Variants in KALRN observed in about 807,000 individuals in gnomAD.
The protein encoded by KALRN is kalirin RhoGEF kinase, also known as kalirin.
In KALRN, 70 loss-of-function variants were observed where a neutral mutation model predicts 353.7. The ratio of observed to expected loss-of-function variants is 0.20; its 90% confidence interval spans 0.16 to 0.24. The LOEUF (loss-of-function observed/expected upper bound fraction) is 0.24. KALRN is among the 10% of genes least tolerant of loss of function. KALRN has a pLI of 1.00. For synonymous variants in KALRN, 1,391 were observed against 1,434.8 expected (o/e 0.97, Z 0.69); for missense variants, 2,791 against 3,756.7 (o/e 0.74, Z 6.72).
intron 33 of KALRN, among the ~76,000 whole-genome samples, chr3:124,503,247 G>A (rs568060931): frequency 1.3e-5 from 2 of 152,260 alleles, no homozygotes; most frequent in South Asian, 2.1e-4. Context: ...CCAGGGCCTG[G>A]AGTAGATATA....
At chr3:124,663,390 G>A (rs1348914868) in intron 45 of KALRN, among the ~76,000 whole-genome samples, 1 of 152,194 alleles carries the variant, frequency 6.6e-6, no homozygotes, top group Admixed American at 6.5e-5. Flanking sequence ...TAGGGGCTAG[G>A]ACTTCAACAT....
At chr3:124,228,168 G>A in intron 2 of KALRN, 104 bp downstream of exon 2, 6 of 943,328 alleles carry the variant, frequency 6.4e-6, no homozygotes, top group Non-Finnish European at 1.0e-5. Flanking sequence ...AGTAGGGGTG[G>A]GGAAGTTATG....
At position 124,563,045 on chromosome 3, in the gene KALRN, C is replaced by T. The variant is rs868216680; in HGVS notation, c.5138C>T (p.Ser1713Phe). Residue 1713 changes from serine to phenylalanine, a missense_variant, in exon 34 of 60, where the codon TCC becomes TTC. Physicochemically the swap from Ser to Phe is radical, Grantham distance 155. Transcript: ENST00000682506. Reference protein sequence around the residue: ...VPSSALCISHSRSSVEMDCFF... With the variant: ...VPSSALCISHFRSSVEMDCFF... ...AGCAGCGCCCTGTGCATCTCACACT[C>T]CCGAAGCAGCGTGGAGATGGACTGC... 6.6e-6 allele frequency: 9 copies of T among 1,367,848 alleles called. No individual in the cohort carries two copies. The highest frequency in any genetic ancestry group is 7.8e-6 in the Non-Finnish European group (8 of 1,022,010). 84.7% of individuals were successfully genotyped at this position (1,367,848 alleles called of 1,614,324 possible). A position where few individuals can be genotyped will look rare whatever the true frequency, so the allele number is the denominator to read the frequency against.
At chr3:124,524,795 T>C (rs1236105579) in intron 33 of KALRN, among the ~76,000 whole-genome samples, 2 of 152,228 alleles carry the variant, frequency 1.3e-5, no homozygotes, top group African/African-American at 4.8e-5. Context: ...TAAATATATT[T>C]CAAACTTATA....
chr3:124,678,490 T>G (rs2087451865), intron 50 of KALRN, 177 bp downstream of exon 50: 4 of 594,628 alleles, frequency 6.7e-6, no homozygotes, highest in Non-Finnish European at 1.1e-5. Flanking sequence ...TATCTTTTAT[T>G]TCTCCTGGCA....
intron 34 of KALRN, among the ~76,000 whole-genome samples, chr3:124,628,522 T>G (rs938221791): frequency 2.1e-4 from 21 of 102,136 alleles, no homozygotes; most frequent in African/African-American, 6.4e-4. Context: ...TTCCCTTCCT[T>G]TCCTTCCTTC....
At chr3:124,400,939 A>G (rs907568817) in intron 13 of KALRN, among the ~76,000 whole-genome samples, 2 of 152,144 alleles carry the variant, frequency 1.3e-5, no homozygotes, top group Non-Finnish European at 2.9e-5. Flanking sequence ...ATTAAGTTTT[A>G]TTTGAAAAGA....
At chr3:124,252,773 G>A (rs778976788) in intron 3 of KALRN, among the ~76,000 whole-genome samples, 1 of 152,192 alleles carries the variant, frequency 6.6e-6, no homozygotes, top group African/African-American at 2.4e-5. Context: ...GACAGCTGGT[G>A]GAGAACAGTC....
At chr3:124,037,330 A>G (rs2039518300) in intron 1 of KALRN, among the ~76,000 whole-genome samples, 1 of 152,202 alleles carries the variant, frequency 6.6e-6, no homozygotes. Flanking sequence ...GTGGTCCTTG[A>G]AGGATGAATG....
At chr3:124,061,724 ACAGT>A (rs1165412982) in intron 1 of KALRN, among the ~76,000 whole-genome samples, 2 of 152,196 alleles carry the variant, frequency 1.3e-5, no homozygotes, top group Non-Finnish European at 2.9e-5. Context: ...TGTTACAGTA[ACAGT>A]CAGGAGCTGA....
rs2080543809 is a variant in KALRN at position 124,629,799 on chromosome 3, TCTC to T, written c.5183-2620_5183-2618del. ...TGCTTAATCTTGCTTTTTCATTTTT[TCTC>T]TCTCTCTCTCTGTCTCTCTCTCTCT... On this transcript the variant is annotated intron_variant, in intron 34 of 59. Coordinates refer to ENST00000682506, the MANE Select transcript of KALRN (RefSeq NM_001388419.1). Among the ~76,000 whole-genome samples the T allele has an allele frequency of 1.1e-4, 8 of 75,682 alleles. No homozygotes were observed. The South Asian group carries it at 2.7e-3, about 26-fold the overall frequency. The allele number at this position is 75,682 out of a possible 152,430, so 49.7% of individuals were successfully genotyped here. A position where few individuals can be genotyped will look rare whatever the true frequency, so the allele number is the denominator to read the frequency against.
chr3:124,388,409 T>A (rs2088778628), intron 11 of KALRN, among the ~76,000 whole-genome samples: 1 of 152,114 alleles, frequency 6.6e-6, no homozygotes, highest in Non-Finnish European at 1.5e-5. Flanking sequence ...TGTATATACC[T>A]CACACTGAGC....
intron 1 of KALRN, among the ~76,000 whole-genome samples, chr3:124,080,309 A>G (rs1285353987): frequency 1.3e-5 from 2 of 152,216 alleles, no homozygotes; most frequent in East Asian, 3.8e-4. Flanking sequence ...GCTTAATGAC[A>G]CAAGTTTAAC....
intron 14 of KALRN, among the ~76,000 whole-genome samples, chr3:124,418,245 A>G (rs1389883641): frequency 2.0e-5 from 3 of 152,124 alleles, no homozygotes; most frequent in Non-Finnish European, 4.4e-5. Context: ...ACCTTGATGT[A>G]GAACAATGGT....
At chr3:124,243,243 GGGC>G (rs1288186076) in intron 3 of KALRN, among the ~76,000 whole-genome samples, 15 of 152,288 alleles carry the variant, frequency 9.8e-5, no homozygotes, top group Admixed American at 3.9e-4. Context: ...CAGGTCTGTG[GGGC>G]CTGCACAGTC....
chr3:124,576,291 C>T (rs1191110620), intron 34 of KALRN, among the ~76,000 whole-genome samples: 1 of 152,006 alleles, frequency 6.6e-6, no homozygotes, highest in Non-Finnish European at 1.5e-5. Flanking sequence ...ATTTTGTCTA[C>T]TGTGTTCATT....
intron 1 of KALRN, among the ~76,000 whole-genome samples, chr3:124,036,840 T>A (rs1394036290): frequency 6.6e-6 from 1 of 152,364 alleles, no homozygotes; most frequent in East Asian, 1.9e-4. Context: ...TGGTTCCTTG[T>A]TTGTCCTCTT....
chr3:124,081,645 C>T (rs2060548438), intron 1 of KALRN, among the ~76,000 whole-genome samples: 2 of 152,140 alleles, frequency 1.3e-5, no homozygotes, highest in Non-Finnish European at 2.9e-5. Context: ...GTGGCACACA[C>T]CTGTAGTCCA....
At chr3:124,501,520 G>A (rs1355369290) in intron 33 of KALRN, among the ~76,000 whole-genome samples, 2 of 152,218 alleles carry the variant, frequency 1.3e-5, no homozygotes, top group Non-Finnish European at 1.5e-5. Flanking sequence ...GAAATTCAAA[G>A]GATTCCTGCA....
Sources: allele counts gnomAD v4.1 joint callset (sites outside exome capture counted in the v4.1 genomes callset), GRCh38; gene constraint gnomAD v4.1.1; transcripts MANE v1.5; gene names NCBI Gene and HGNC (gene_info 2026-07-23, HGNC 2026-07-21).